The following FYCO1 variants were observed in gnomAD, a reference collection of about 807,000 sequenced individuals.
The protein encoded by FYCO1 is FYVE and coiled-coil domain-containing protein 1.
Under a neutral mutation model 165.1 loss-of-function variants are expected in FYCO1, and 122 were observed. That is an observed-to-expected ratio of 0.74 (90% CI 0.64 to 0.86). The LOEUF is 0.86. Among genes scored for constraint, FYCO1 ranks in the 40% least tolerant of loss-of-function variants. The probability of loss-of-function intolerance (pLI) is 0.00; values close to 1 mark genes in which losing one functional copy is unlikely to be tolerated. For synonymous variants in FYCO1, 648 were observed against 742.5 expected (o/e 0.87, Z 2.07); for missense variants, 1,702 against 1,810.3 (o/e 0.94, Z 1.09).
At chr3:45,988,407 C>A (rs551301893) in intron 1 of FYCO1, among the ~76,000 whole-genome samples, 1 of 152,196 alleles carries the variant, frequency 6.6e-6, no homozygotes, top group Non-Finnish European at 1.5e-5. Flanking sequence ...GAATCACAGA[C>A]TCCTGGCATG....
At chr3:45,941,597 G>C (rs1704229589) in intron 14 of FYCO1, among the ~76,000 whole-genome samples, 1 of 152,172 alleles carries the variant, frequency 6.6e-6, no homozygotes, top group South Asian at 2.1e-4. Flanking sequence ...CTCAAATTTA[G>C]GTGAAAGTCT....
At chr3:45,989,488 T>C (rs1025906323) in intron 1 of FYCO1, among the ~76,000 whole-genome samples, 4 of 151,796 alleles carry the variant, frequency 2.6e-5, no homozygotes, top group African/African-American at 4.8e-5. Flanking sequence ...GCTAGGAGAG[T>C]GCTCCGGAGT....
intron 14 of FYCO1, among the ~76,000 whole-genome samples, chr3:45,941,652 C>T: frequency 6.6e-6 from 1 of 152,198 alleles, no homozygotes; most frequent in African/African-American, 2.4e-5. Context: ...CCACGATAAA[C>T]AAGCCATGCT....
chr3:45,967,419 G>C lies in FYCO1; in HGVS notation c.1915C>G (p.Leu639Val), dbSNP rs771933920. ...VGRNQLLEGK[L>V]QALQADYQAL... ...TGGTAATCGGCCTGCAGGGCTTGCAGCTTGCCCTCCAGGAGCTGGTTACGC... is the reference window on the plus strand; with the variant it reads ...TGGTAATCGGCCTGCAGGGCTTGCACCTTGCCCTCCAGGAGCTGGTTACGC... Residue 639 changes from leucine to valine, a missense_variant, in exon 8 of 18, where the codon CTG becomes GTG. Coordinates refer to ENST00000296137, the MANE Select transcript of FYCO1 (RefSeq NM_024513.4). 5.6e-6 allele frequency: 9 copies of C among 1,613,104 alleles called. No homozygotes were observed. The African/African-American group carries it at 6.7e-5, about 12-fold the overall frequency.
Position 45,921,518 on chromosome 3 carries a change from G to C in FYCO1, c.*247C>G, listed in dbSNP as rs1207296982. 2 of 504,954 alleles carry C rather than the reference G, an allele frequency of 4.0e-6. No homozygotes were observed. The highest frequency in any genetic ancestry group is 1.9e-5 in the African/African-American group (1 of 51,430). 31.3% of individuals were successfully genotyped at this position (504,954 alleles called of 1,614,324 possible). On this transcript the variant is annotated 3_prime_UTR_variant, in exon 18 of 18. Transcript: ENST00000296137. ...AAACCTTTGGCAGAGCATCCCTTTG[G>C]GTGTGACAACAGCTGAGTCTCTACT...
intron 11 of FYCO1, among the ~76,000 whole-genome samples, chr3:45,960,108 G>C (rs1328357670): frequency 6.6e-6 from 1 of 152,218 alleles, no homozygotes; most frequent in Non-Finnish European, 1.5e-5. Context: ...GAAGTGTGAG[G>C]CTTTCCAGAA....
At chr3:45,938,136 CCT>C in intron 14 of FYCO1, 1 of 1,013,112 alleles carries the variant, frequency 9.9e-7, no homozygotes, top group Non-Finnish European at 1.4e-6. Context: ...TCTATAATTT[CCT>C]CTCTTCCTCC....
intron 14 of FYCO1, chr3:45,946,418 C>T (rs1363076618): frequency 2.1e-6 from 3 of 1,417,022 alleles, no homozygotes; most frequent in Non-Finnish European, 2.0e-6. Context: ...ACAAAGAATG[C>T]CATCCTCAGC....
At position 45,975,401 on chromosome 3, in the gene FYCO1, G is replaced by A. The variant is rs115435184; in HGVS notation, c.289-56C>T. 13,509 of 1,321,758 alleles carry A rather than the reference G, an allele frequency of 0.01. 106 individuals carry two copies. The highest frequency in any genetic ancestry group is 0.021 in the Admixed American group (1,210 of 58,508). 81.9% of individuals were successfully genotyped at this position (1,321,758 alleles called of 1,614,324 possible). On this transcript the variant is annotated intron_variant, in intron 4 of 17. Coordinates refer to ENST00000296137, the MANE Select transcript of FYCO1 (RefSeq NM_024513.4). ...AGCTGTCAGCCTAACTCCAAATACAGACCTGGTCTCATAGATGGCTTGTGA... is the reference window on the plus strand; with the variant it reads ...AGCTGTCAGCCTAACTCCAAATACAAACCTGGTCTCATAGATGGCTTGTGA...
At position 45,962,517 on chromosome 3, in the gene FYCO1, C is replaced by T; in HGVS notation, c.3270-125G>A. 1 of 840,496 alleles carries T rather than the reference C, an allele frequency of 1.2e-6. No homozygotes were observed. 52.1% of individuals were successfully genotyped at this position (840,496 alleles called of 1,614,324 possible). A position where few individuals can be genotyped will look rare whatever the true frequency, so the allele number is the denominator to read the frequency against. On this transcript the variant is annotated intron_variant, in intron 10 of 17. Transcript: ENST00000296137. The surrounding 1 kb of genome is among the most constrained non-coding windows in gnomAD (Gnocchi z 4.4). ...CCGCCATGGGGGAGCCCCTTGGTATCTGCTCACAGCTTATGCAGTCCCCTA... is the reference window on the plus strand; with the variant it reads ...CCGCCATGGGGGAGCCCCTTGGTATTTGCTCACAGCTTATGCAGTCCCCTA...
intron 16 of FYCO1, among the ~76,000 whole-genome samples, chr3:45,929,971 C>G (rs1703510796): frequency 6.6e-6 from 1 of 152,288 alleles, no homozygotes; most frequent in South Asian, 2.1e-4. Flanking sequence ...GGGCCCTCCT[C>G]ATCCCTCAGC....
rs1488374 is a variant in FYCO1, at chr3:45,920,350, C to T, written c.*1415G>A. ...TAGGTCACAAGGGTAGCTGGAGGAA[C>T]TGCCGGGCCCAGCTCTCAGATTCTC... On this transcript the variant is annotated 3_prime_UTR_variant, in exon 18 of 18. Transcript: ENST00000296137. 0.84 allele frequency: 127,043 copies of T among 152,104 alleles called. 53,657 individuals carry two copies. The highest frequency in any genetic ancestry group is 1 in the East Asian group (5,169 of 5,174). The allele number at this position is 152,104 out of a possible 1,614,324, so 9.4% of individuals were successfully genotyped here.
At chr3:45,921,899 G>A in intron 17 of FYCO1, 59 bp from the exon 18 acceptor site, 1 of 1,114,516 alleles carries the variant, frequency 9.0e-7, no homozygotes, top group Non-Finnish European at 1.4e-6. Flanking sequence ...TCCGAGGGGT[G>A]GCAGCTGCTG....
intron 16 of FYCO1, among the ~76,000 whole-genome samples, chr3:45,928,811 A>G (rs1703447086): frequency 6.6e-6 from 1 of 151,958 alleles, no homozygotes; most frequent in Non-Finnish European, 1.5e-5. Flanking sequence ...TGGAATCACA[A>G]ATGTCTATTT....
intron 11 of FYCO1, among the ~76,000 whole-genome samples, chr3:45,961,698 G>A (rs976428379): frequency 6.6e-6 from 1 of 152,182 alleles, no homozygotes; most frequent in Non-Finnish European, 1.5e-5. Flanking sequence ...ATCTGGGAAG[G>A]TGGGTAAGCA....
chr3:45,947,602 C>A (rs940998161), intron 14 of FYCO1: 2 of 990,498 alleles, frequency 2.0e-6, no homozygotes, highest in African/African-American at 1.6e-5. Context: ...TTATAGCTTG[C>A]GCATTCTCAT....
intron 7 of FYCO1, among the ~76,000 whole-genome samples, chr3:45,968,959 TC>T (rs1706268915): frequency 6.6e-6 from 1 of 152,230 alleles, no homozygotes; most frequent in African/African-American, 2.4e-5. Flanking sequence ...CATCCAGCCT[TC>T]TTCAGCCTTA....
chr3:45,984,199 T>G (rs925572814), intron 2 of FYCO1, among the ~76,000 whole-genome samples: 1 of 152,208 alleles, frequency 6.6e-6, no homozygotes, highest in African/African-American at 2.4e-5. Context: ...TGGGACAGCA[T>G]CTGAAAGAGT....
chr3:45,987,959 C>T (rs1016344836), intron 1 of FYCO1, among the ~76,000 whole-genome samples: 1 of 152,172 alleles, frequency 6.6e-6, no homozygotes, highest in Non-Finnish European at 1.5e-5. Flanking sequence ...TGACACTGCC[C>T]TTGTGTGAGC....
Sources: gnomAD v4.1 joint callset for allele counts (sites outside exome capture counted in the v4.1 genomes callset) on GRCh38, gnomAD v4.1.1 for gene constraint, Gnocchi (gnomAD v3.1) non-coding constraint, MANE v1.5 for transcripts, NCBI Gene and HGNC (gene_info 2026-07-23, HGNC 2026-07-21) for gene names.